BTD: variants seen among roughly 807,000 people sequenced by gnomAD.
BTD encodes the protein biocytinase.
BTD carries 13 observed loss-of-function variants against 17.7 expected under a neutral mutation model. The ratio of observed to expected loss-of-function variants is 0.74; its 90% confidence interval spans 0.48 to 1.17. The LOEUF (loss-of-function observed/expected upper bound fraction) is 1.17. BTD is among the 50% of genes most tolerant of loss of function. The pLI is 0.00. For missense variants in BTD, 674 were observed against 650.4 expected (o/e 1.04, Z -0.39); for synonymous variants, 240 against 245.2 (o/e 0.98, Z 0.20).
At chr3:15,623,861 G>T (rs2065009231) in intron 1 of BTD, among the ~76,000 whole-genome samples, 1 of 152,166 alleles carries the variant, frequency 6.6e-6, no homozygotes, top group Non-Finnish European at 1.5e-5. Flanking sequence ...AGTTTCCTGA[G>T]GCTTCCCAGC....
chr3:15,690,063 A>G (rs1180327596), intron 3 of BTD: 1 of 1,612,144 alleles, frequency 6.2e-7, no homozygotes. Context: ...ATCTTTTACT[A>G]AGATTGAGGC....
intron 3 of BTD, chr3:15,669,331 G>T (rs555151400): frequency 6.6e-6 from 1 of 152,182 alleles, no homozygotes. Context: ...TTCATAGAGA[G>T]GTTGAAGACT....
At chr3:15,721,091 G>A (rs1559404699) in intron 4 of BTD, 1 of 1,613,500 alleles carries the variant, frequency 6.2e-7, no homozygotes, top group African/African-American at 1.3e-5. Flanking sequence ...CAGGCTACAT[G>A]AAGAGGTGTA....
chr3:15,660,442 C>G (rs986749350), intron 3 of BTD, among the ~76,000 whole-genome samples: 4 of 152,222 alleles, frequency 2.6e-5, no homozygotes, highest in African/African-American at 9.7e-5. Flanking sequence ...TGTTTCAGAA[C>G]CCTCTGCTTT....
chr3:15,690,141 C>G (rs990414274), intron 3 of BTD: 6 of 1,609,502 alleles, frequency 3.7e-6, no homozygotes, highest in Non-Finnish European at 5.1e-6. Context: ...TAGGGGTGTT[C>G]TTCCACTACT....
chr3:15,678,353 T>C (rs765267091), intron 3 of BTD: 2 of 1,588,372 alleles, frequency 1.3e-6, no homozygotes, highest in Non-Finnish European at 1.7e-6. Flanking sequence ...TGGAGAGGAG[T>C]TCTGTGATAA....
At chr3:15,629,576 T>A (rs536793425) in intron 1 of BTD, among the ~76,000 whole-genome samples, 2 of 152,154 alleles carry the variant, frequency 1.3e-5, no homozygotes, top group Non-Finnish European at 2.9e-5. Flanking sequence ...CAGGCTGGAG[T>A]GCAATGGTGC....
At chr3:15,702,922 T>C (rs188017939) in intron 3 of BTD, among the ~76,000 whole-genome samples, 2 of 152,000 alleles carry the variant, frequency 1.3e-5, no homozygotes, top group East Asian at 1.9e-4. Flanking sequence ...AATTCATATA[T>C]ACTAAACCAT....
chr3:15,636,319 G>A (rs913618111), intron 2 of BTD, among the ~76,000 whole-genome samples: 3 of 152,140 alleles, frequency 2.0e-5, no homozygotes, highest in African/African-American at 7.2e-5. Flanking sequence ...TGAGACCTTC[G>A]CCCAGATAGA....
intron 3 of BTD, among the ~76,000 whole-genome samples, chr3:15,643,167 G>A (rs1285960700): frequency 6.6e-6 from 1 of 152,124 alleles, no homozygotes; most frequent in Non-Finnish European, 1.5e-5. Context: ...CATACAGTAT[G>A]AGTGCCTCTT....
At chr3:15,703,441 G>T (rs2125982453) in intron 3 of BTD, among the ~76,000 whole-genome samples, 1 of 152,326 alleles carries the variant, frequency 6.6e-6, no homozygotes, top group East Asian at 1.9e-4. Context: ...GGTCAAGAGG[G>T]CAGAGCCCTC....
At chr3:15,666,520 A>C (rs543814205) in intron 3 of BTD, among the ~76,000 whole-genome samples, 1 of 152,332 alleles carries the variant, frequency 6.6e-6, no homozygotes, top group Non-Finnish European at 1.5e-5. Flanking sequence ...GTACATGATA[A>C]ATGCTGCATA....
intron 3 of BTD, chr3:15,669,238 A>C (rs1243414248): frequency 6.6e-6 from 1 of 152,188 alleles, no homozygotes; most frequent in Non-Finnish European, 1.5e-5. Context: ...TCACTTTTTC[A>C]AAACTCATAG....
chr3:15,668,454 T>C (rs1408901401), intron 3 of BTD: 1 of 152,550 alleles, frequency 6.6e-6, no homozygotes, highest in Non-Finnish European at 1.5e-5. Context: ...GGGTTCATTA[T>C]GACTTCTTTA....
chr3:15,690,249 AACAT>A (rs1303018117), intron 3 of BTD: 1 of 1,518,166 alleles, frequency 6.6e-7, no homozygotes, highest in East Asian at 2.5e-5. Context: ...GTAAATTTAA[AACAT>A]ACATATTTAG....
At chr3:15,611,850 A>G (rs1177998206) in intron 1 of BTD, among the ~76,000 whole-genome samples, 1 of 151,708 alleles carries the variant, frequency 6.6e-6, no homozygotes, top group African/African-American at 2.4e-5. Context: ...TAGCTTATCA[A>G]TATAGGATTG....
At chr3:15,714,802 C>T (rs2072806623), downstream of BTD, 2 of 485,184 alleles carry the variant, frequency 4.1e-6, no homozygotes, top group Non-Finnish European at 7.0e-6. Flanking sequence ...GGTAAAACAG[C>T]TGTTTAAAAT....
chr3:15,689,756 C>T, intron 3 of BTD: 1 of 303,700 alleles, frequency 3.3e-6, no homozygotes, highest in Middle Eastern at 9.8e-4. Context: ...ATTTTTTGTG[C>T]TTGGTTTACT....
chr3:15,710,432 G>A (rs2072097419), exon 4 of BTD, among the ~76,000 whole-genome samples: 2 of 152,136 alleles, frequency 1.3e-5, no homozygotes, highest in African/African-American at 2.4e-5. Flanking sequence ...TTAACTGGAA[G>A]GTTCTCTGGC....
Sources: allele counts gnomAD v4.1 joint callset (sites outside exome capture counted in the v4.1 genomes callset), GRCh38; gene constraint gnomAD v4.1.1; transcripts MANE v1.5; gene names NCBI Gene and HGNC (gene_info 2026-07-23, HGNC 2026-07-21).